Variants in APOBEC3B observed in about 807,000 individuals in gnomAD.
APOBEC3B encodes the protein DNA dC->dU-editing enzyme APOBEC-3B.
A neutral mutation model predicts 53.4 loss-of-function variants in APOBEC3B; 29 were observed. That is an observed-to-expected ratio of 0.54 (90% CI 0.40 to 0.74). The LOEUF (loss-of-function observed/expected upper bound fraction) is 0.74, where lower values mean the gene tolerates loss of function less well. APOBEC3B is among the 30% of genes least tolerant of loss of function. The pLI is 0.00. For missense variants in APOBEC3B, 347 were observed against 496.2 expected (o/e 0.70, Z 2.86); for synonymous variants, 132 against 184.8 (o/e 0.71, Z 2.32).
intron 4 of APOBEC3B, among the ~76,000 whole-genome samples, chr22:38,988,098 A>G (rs1923812621): frequency 6.7e-6 from 1 of 148,616 alleles, no homozygotes; most frequent in African/African-American, 2.4e-5. Flanking sequence ...GTCCCCACAC[A>G]CTAAAAAGGA....
intron 5 of APOBEC3B, among the ~76,000 whole-genome samples, chr22:38,990,474 C>A (rs1603268858): frequency 6.8e-6 from 1 of 147,826 alleles, no homozygotes; most frequent in African/African-American, 2.5e-5. Context: ...CTGTCCCCAA[C>A]TTGACCGATT....
intron 1 of APOBEC3B, among the ~76,000 whole-genome samples, chr22:38,983,861 G>T (rs910538382): frequency 1.3e-5 from 2 of 148,206 alleles, no homozygotes; most frequent in African/African-American, 4.9e-5. Context: ...AGTTGGACCC[G>T]AGCTGGGAGA....
In APOBEC3B at chr22:38,985,788, C is replaced by G. The variant is rs145739059; in HGVS notation, c.175-24C>G. On this transcript the variant is annotated intron_variant, in intron 2 of 7. Transcript: ENST00000333467. ...CTCCTGCTCCCCCTCTCAGAGCATC[C>G]CCTGCCCCCTGCTCCTCTCCCAGGT... 8.8e-4 allele frequency: 1,383 copies of G among 1,576,618 alleles called. 65 individuals carry two copies. In the African/African-American group the frequency reaches 0.015, roughly 17 times the overall value.
At chr22:38,992,202 G>C (rs5757413) in intron 7 of APOBEC3B, 53 bp downstream of exon 7, 318 of 1,491,224 alleles carry the variant, frequency 2.1e-4, no homozygotes, top group South Asian at 8.2e-4. Flanking sequence ...CCTCCTCCCC[G>C]CTCCCCTGTG....
In APOBEC3B at chr22:38,985,991, C is replaced by T. The variant is rs1295471156; in HGVS notation, c.354C>T (p.Ile118=). ...AGCACCCCAATGTCACCCTGACCAT[C>T]TCTGCCGCCCGCCTCTACTACTACT... is the stretch of plus-strand genomic sequence containing the variant. The part of the protein sequence containing the change: ...LSEHPNVTLT[I]SAARLYYYWE... Residue 118 remains isoleucine (I), a synonymous_variant, in exon 3 of 8, where the codon ATC becomes ATT. Coordinates refer to ENST00000333467, the MANE Select transcript of APOBEC3B (RefSeq NM_004900.5). 1.2e-5 allele frequency: 19 copies of T among 1,592,982 alleles called. No individual in the cohort carries two copies. Among genetic ancestry groups the T allele is most frequent in the Non-Finnish European group, 1.5e-5 (18 of 1,172,532 alleles).
chr22:38,988,250 C>G (rs1287053757), intron 4 of APOBEC3B, among the ~76,000 whole-genome samples: 1 of 148,628 alleles, frequency 6.7e-6, no homozygotes, highest in Non-Finnish European at 1.5e-5. Context: ...GTGCTGGTCT[C>G]TCCTCCAATG....
In APOBEC3B at chr22:38,989,551, C is replaced by T. The variant is rs151250472; in HGVS notation, c.664C>T (p.Arg222Cys). Residue 222 changes from arginine to cysteine, a missense_variant, in exon 5 of 8, where the codon CGC becomes TGC. By Grantham distance (180) the Arg-to-Cys change is radical. Coordinates refer to ENST00000333467, the MANE Select transcript of APOBEC3B (RefSeq NM_004900.5). Reference sequence around the variant, plus strand: ...GACCTACTTGTGCTATGAGGTGGAGCGCCTGGACAATGGCACCTGGGTCCT... The same window carrying T: ...GACCTACTTGTGCTATGAGGTGGAGTGCCTGGACAATGGCACCTGGGTCCT... ...RQTYLCYEVERLDNGTWVLMD... is the reference protein window; with the variant it reads ...RQTYLCYEVECLDNGTWVLMD... The T allele has an allele frequency of 2.0e-5, 32 of 1,589,248 alleles. 2 individuals carry two copies. The highest frequency in any genetic ancestry group is 1.7e-4 in the Middle Eastern group (1 of 5,760).
chr22:38,987,774 G>T (rs373797761), intron 4 of APOBEC3B, among the ~76,000 whole-genome samples: 1 of 148,386 alleles, frequency 6.7e-6, no homozygotes, highest in African/African-American at 2.5e-5. Flanking sequence ...GCAACATGGA[G>T]TGTAGGAAAA....
At chr22:38,989,358 T>C in intron 4 of APOBEC3B, 99 bp from the exon 5 acceptor site, 1 of 1,182,004 alleles carries the variant, frequency 8.5e-7, no homozygotes, top group Non-Finnish European at 1.2e-6. Flanking sequence ...TGCCTCAGTA[T>C]ATGGGGAGCA....
At position 38,990,436 on chromosome 22, in the gene APOBEC3B, C is replaced by T. The variant is rs1260029436; in HGVS notation, c.723+826C>T. Among the ~76,000 whole-genome samples, 3 of 147,846 alleles carry T rather than the reference C, an allele frequency of 2.0e-5. No individual in the cohort carries two copies. In the Admixed American group the frequency reaches 2.1e-4, roughly 10 times the overall value. On this transcript the variant is annotated intron_variant, in intron 5 of 7. Coordinates refer to ENST00000333467, the MANE Select transcript of APOBEC3B (RefSeq NM_004900.5). ...TGGAATCCCTCCCTGTCTTTGTCCC[C>T]ATCACAATCACAGTCCTTGCTGCCC...
chr22:38,982,409 C>CA lies in APOBEC3B; in HGVS notation c.-38dup, dbSNP rs1264849508. On this transcript the variant is annotated 5_prime_UTR_variant, in exon 1 of 8. Coordinates refer to ENST00000333467, the MANE Select transcript of APOBEC3B (RefSeq NM_004900.5). ...AGCAGGAAGTGAAACCACAGAGCTTCAAAAAAAGAGCGGGACAGGGACAAG... is the reference window on the plus strand; with the variant it reads ...AGCAGGAAGTGAAACCACAGAGCTTCAAAAAAAAGAGCGGGACAGGGACAAG... 1.9e-6 allele frequency: 3 copies of CA among 1,592,042 alleles called. 1 individual carries two copies. Among genetic ancestry groups the CA allele is most frequent in the East Asian group, 2.5e-5 (1 of 40,214 alleles).
rs58110435 is a variant in APOBEC3B, at chr22:38,988,681, T to TTCTCTCTTTCTCTCTTTC, written c.570-771_570-770insCTTTCTCTCTTTCTCTCT. ...CCTTGCTTCCTCTCTCTTTCTCTCT[T>TTCTCTCTTTCTCTCTTTC]TCTCTTTCTTTCTTTCTTTCTTTCT... On this transcript the variant is annotated intron_variant, in intron 4 of 7. Transcript: ENST00000333467. Among the ~76,000 whole-genome samples the TTCTCTCTTTCTCTCTTTC allele has an allele frequency of 2.7e-3, 173 of 63,580 alleles. 16 individuals are homozygous for TTCTCTCTTTCTCTCTTTC. Among genetic ancestry groups the TTCTCTCTTTCTCTCTTTC allele is most frequent in the South Asian group, 0.011 (14 of 1,230 alleles). The allele number at this position is 63,580 out of a possible 152,430, so 41.7% of individuals were successfully genotyped here.
intron 5 of APOBEC3B, among the ~76,000 whole-genome samples, chr22:38,990,783 C>T: frequency 6.9e-6 from 1 of 145,660 alleles, no homozygotes; most frequent in Non-Finnish European, 1.5e-5. Context: ...GAAGGAAGCA[C>T]ACTCACTCAG....
Position 38,984,855 on chromosome 22 carries a change from A to G in APOBEC3B, c.174+624A>G, listed in dbSNP as rs775983767. 3.7e-4 allele frequency among the ~76,000 whole-genome samples: 51 copies of G among 139,474 alleles called. 2 individuals are homozygous for G. Among genetic ancestry groups the G allele is most frequent in the Non-Finnish European group, 5.1e-4 (33 of 64,586 alleles). 91.5% of individuals were successfully genotyped at this position (139,474 alleles called of 152,430 possible). A position where few individuals can be genotyped will look rare whatever the true frequency, so the allele number is the denominator to read the frequency against. ...TAAAATGCCCAGCACTGGGCTCTCA[A>G]TTGTGTATTTTTCCCACATTTCTTT... is the stretch of plus-strand genomic sequence containing the variant. On this transcript the variant is annotated intron_variant, in intron 2 of 7. Coordinates refer to ENST00000333467, the MANE Select transcript of APOBEC3B (RefSeq NM_004900.5).
rs773772191 is a variant in APOBEC3B, at chr22:38,992,523, A to G, written c.*78A>G. ...TAAAAGATCTTCTTCCAAGAAATGC[A>G]AACAGACCGTTCACCACCATCTCCA... On this transcript the variant is annotated 3_prime_UTR_variant, in exon 8 of 8. Transcript: ENST00000333467. The G allele has an allele frequency of 2.0e-5, 32 of 1,599,828 alleles. No individual in the cohort carries two copies. The highest frequency in any genetic ancestry group is 2.6e-5 in the Non-Finnish European group (31 of 1,170,590).
At chr22:38,987,212 C>T (rs1345362557) in intron 4 of APOBEC3B, among the ~76,000 whole-genome samples, 1 of 148,892 alleles carries the variant, frequency 6.7e-6, no homozygotes, top group Non-Finnish European at 1.5e-5. Context: ...CCCATGGGGC[C>T]TCTGCTGCCC....
In APOBEC3B at chr22:38,989,821, G is replaced by A. The variant is rs113495136; in HGVS notation, c.723+211G>A. 6.7e-5 allele frequency among the ~76,000 whole-genome samples: 10 copies of A among 148,526 alleles called. 1 individual carries two copies. The highest frequency in any genetic ancestry group is 1.2e-4 in the African/African-American group (5 of 40,808). ...GGGGTTGAGTCTGCCCAATGGCAAA[G>A]TGCTTCCTGAGGACCCTCCCAGGAT... On this transcript the variant is annotated intron_variant, in intron 5 of 7. Transcript: ENST00000333467.
In APOBEC3B at chr22:38,987,530, G is replaced by A. The variant is rs376965245; in HGVS notation, c.569+1118G>A. 9.4e-5 allele frequency among the ~76,000 whole-genome samples: 14 copies of A among 148,768 alleles called. 5 individuals carry two copies. The East Asian group carries it at 3.2e-3, about 33-fold the overall frequency. On this transcript the variant is annotated intron_variant, in intron 4 of 7. Transcript: ENST00000333467. ...TGGAACTGGGAGAATTGAACCAAAG[G>A]ATGATTGGAGCAATCAGGCATTTTG...
chr22:38,989,662 A>G, intron 5 of APOBEC3B, 52 bp downstream of exon 5: 2 of 1,475,006 alleles, frequency 1.4e-6, no homozygotes, highest in Middle Eastern at 2.5e-4. Flanking sequence ...ATCCAGGGAC[A>G]CTCATAGATA....
Sources: gnomAD v4.1 joint callset for allele counts (sites outside exome capture counted in the v4.1 genomes callset) on GRCh38, gnomAD v4.1.1 for gene constraint, MANE v1.5 for transcripts, NCBI Gene and HGNC (gene_info 2026-07-23, HGNC 2026-07-21) for gene names.